CDC42: variants seen among roughly 807,000 people sequenced by gnomAD.
CDC42 encodes the protein cell division control protein 42 homolog.
A neutral mutation model predicts 20.8 loss-of-function variants in CDC42; 1 was observed. The observed-to-expected ratio is 0.05, with a 90% CI of 0.02 to 0.23. The LOEUF is 0.23. Ranked by LOEUF, CDC42 falls within the 10% of genes least tolerant of loss-of-function variation. The pLI is 1.00. For synonymous variants in CDC42, 72 were observed against 84.8 expected (o/e 0.85, Z 0.83); for missense variants, 49 against 227.9 (o/e 0.21, Z 5.05).
chr1:22,088,523 G>T (rs1487951632), intron 5 of CDC42, among the ~76,000 whole-genome samples: 1 of 152,172 alleles, frequency 6.6e-6, no homozygotes, highest in African/African-American at 2.4e-5. Flanking sequence ...TGGGGTCTGT[G>T]GTTGTGTTTG....
Position 22,091,738 on chromosome 1 carries a change from G to A in CDC42, c.*221G>A, listed in dbSNP as rs1176516803. 21 of 200,098 alleles carry A rather than the reference G, an allele frequency of 1.0e-4. No homozygotes were observed. Among genetic ancestry groups the A allele is most frequent in the Non-Finnish European group, 1.6e-4 (17 of 103,464 alleles). The allele number at this position is 200,098 out of a possible 1,614,324, so 12.4% of individuals were successfully genotyped here. On this transcript the variant is annotated 3_prime_UTR_variant, in exon 6 of 6. Transcript: ENST00000656825. ...TTTGAGTAATTGTATTGTCAGAAAAGTGATTAGTACTATTTTTTTTTGTTG... is the reference window on the plus strand; with the variant it reads ...TTTGAGTAATTGTATTGTCAGAAAAATGATTAGTACTATTTTTTTTTGTTG...
intron 5 of CDC42, among the ~76,000 whole-genome samples, chr1:22,088,179 C>T (rs1207127647): frequency 2.0e-5 from 3 of 152,124 alleles, no homozygotes; most frequent in South Asian, 2.1e-4. Context: ...GAAAAGTGTG[C>T]CTGTGTGTGT....
Position 22,093,313 on chromosome 1 carries a change from A to C in CDC42, c.*1796A>C, listed in dbSNP as rs1372047150. Among the ~76,000 whole-genome samples, 1 of 152,216 alleles carries C rather than the reference A, an allele frequency of 6.6e-6. No homozygotes were observed. Among genetic ancestry groups the C allele is most frequent in the Non-Finnish European group, 1.5e-5 (1 of 68,038 alleles). ...AGTTTTCTGCATCAGTGGTTCTCCA[A>C]CTGGAGTGCAGCTTGAACAATGTGA... On this transcript the variant is annotated 3_prime_UTR_variant, in exon 6 of 6. Coordinates refer to ENST00000656825, the MANE Select transcript of CDC42 (RefSeq NM_001791.4).
intron 1 of CDC42, among the ~76,000 whole-genome samples, chr1:22,062,324 C>A (rs1451598190): frequency 3.9e-5 from 6 of 152,200 alleles, no homozygotes; most frequent in Admixed American, 3.3e-4. Context: ...TCAGCTAGAA[C>A]AAAGAAAGTC....
rs143285541 is a variant in CDC42, at chr1:22,093,586, A to G, written c.*2069A>G. Among the ~76,000 whole-genome samples, 59 of 152,336 alleles carry G rather than the reference A, an allele frequency of 3.9e-4. 1 individual carries two copies. The highest frequency in any genetic ancestry group is 1.4e-3 in the African/African-American group (58 of 41,572). On this transcript the variant is annotated 3_prime_UTR_variant, in exon 6 of 6. Transcript: ENST00000656825. ...GTTGGTACACTGTGGCCTCATTTTG[A>G]TAGTTCTCTGCATGGAGTCATGTTT...
Position 22,099,495 on chromosome 1 carries a change from C to T in CDC42, c.*7978C>T, listed in dbSNP as rs12563981. Among the ~76,000 whole-genome samples the T allele has an allele frequency of 0.048, 7,345 of 152,280 alleles. 285 individuals carry two copies. Among genetic ancestry groups the T allele is most frequent in the East Asian group, 0.18 (956 of 5,180 alleles). ...TCTGTCTGATTTTGGAAACTGTGTG[C>T]TTACCATTACATATCTTATGTGGAA... On this transcript the variant is annotated 3_prime_UTR_variant, in exon 6 of 6. Transcript: ENST00000656825.
At position 22,081,619 on chromosome 1, in the gene CDC42, G is replaced by T. The variant is rs17837974; in HGVS notation, c.106-103G>T. The T allele has an allele frequency of 6.2e-4, 443 of 715,536 alleles. 3 individuals are homozygous for T. In the African/African-American group the frequency reaches 7.0e-3, roughly 11 times the overall value. The allele number at this position is 715,536 out of a possible 1,614,324, so 44.3% of individuals were successfully genotyped here. ...AAGGATGATGGATGGACTAGGGGAC[G>T]ATTAAGTCTTAGCAAGGAAACACTG... On this transcript the variant is annotated intron_variant, in intron 2 of 5. Coordinates refer to ENST00000656825, the MANE Select transcript of CDC42 (RefSeq NM_001791.4).
At position 22,091,467 on chromosome 1, in the gene CDC42, G is replaced by A; in HGVS notation, c.526G>A (p.Ala176Thr). Residue 176 changes from alanine (A) to threonine (T), a missense_variant, in exon 6 of 6, where the codon GCC (alanine) becomes ACC (threonine). By Grantham distance (58) the Ala-to-Thr change is moderately conservative. Transcript: ENST00000656825. ...TGTATTTGACGAAGCAATATTGGCT[G>A]CCCTGGAGCCTCCAGAACCGAAGAA... is the stretch of plus-strand genomic sequence containing the variant. Reference protein sequence around the residue: ...KNVFDEAILAALEPPEPKKSR... With the variant: ...KNVFDEAILATLEPPEPKKSR... The A allele has an allele frequency of 6.2e-7, 1 of 1,613,518 alleles. No homozygotes were observed. The highest frequency in any genetic ancestry group is 8.5e-7 in the Non-Finnish European group (1 of 1,179,604).
chr1:22,065,487 T>C (rs1645412474), intron 1 of CDC42, among the ~76,000 whole-genome samples: 1 of 152,236 alleles, frequency 6.6e-6, no homozygotes, highest in Non-Finnish European at 1.5e-5. Context: ...ATGCTTTTAC[T>C]TAACAACTGT....
In CDC42 at chr1:22,096,694, C is replaced by T. The variant is rs957591648; in HGVS notation, c.*5177C>T. On this transcript the variant is annotated 3_prime_UTR_variant, in exon 6 of 6. Coordinates refer to ENST00000656825, the MANE Select transcript of CDC42 (RefSeq NM_001791.4). ...CGGTGCAGGTGGTCAGTTGGAACCCCTGATGGGTATCTGGGCCACTGCCCA... is the reference window on the plus strand; with the variant it reads ...CGGTGCAGGTGGTCAGTTGGAACCCTTGATGGGTATCTGGGCCACTGCCCA... Among the ~76,000 whole-genome samples the T allele has an allele frequency of 2.0e-5, 3 of 152,202 alleles. No homozygotes were observed. Among genetic ancestry groups the T allele is most frequent in the African/African-American group, 4.8e-5 (2 of 41,440 alleles).
intron 1 of CDC42, among the ~76,000 whole-genome samples, chr1:22,056,489 T>G (rs1243023704): frequency 6.6e-6 from 1 of 152,248 alleles, no homozygotes; most frequent in East Asian, 1.9e-4. Flanking sequence ...GCAAATAACT[T>G]TTACCGCTTG....
chr1:22,081,668 C>G (rs1645609031), intron 2 of CDC42, 54 bp from the exon 3 acceptor site: 1 of 1,075,730 alleles, frequency 9.3e-7, no homozygotes. Context: ...GTTGTCCTGT[C>G]CCATTTTAAC....
chr1:22,078,596 G>T lies in CDC42; in HGVS notation c.105+13G>T, dbSNP rs758838961. ...ATATGTACCGACTGTAAGTATAAAG[G>T]CTTCCTTCTGTTAGTAAAATGTTGT... On this transcript the variant is annotated intron_variant, in intron 2 of 5. Transcript: ENST00000656825. The T allele has an allele frequency of 3.2e-6, 5 of 1,586,158 alleles. No individual in the cohort carries two copies. The East Asian group carries it at 1.1e-4, about 36-fold the overall frequency.
chr1:22,077,210 A>T (rs1300526712), intron 1 of CDC42, among the ~76,000 whole-genome samples: 1 of 152,086 alleles, frequency 6.6e-6, no homozygotes, highest in Non-Finnish European at 1.5e-5. Flanking sequence ...GAGAGTGTAT[A>T]TTTCATGTGA....
chr1:22,094,006 C>T lies in CDC42; in HGVS notation c.*2489C>T, dbSNP rs1006789964. Among the ~76,000 whole-genome samples the T allele has an allele frequency of 2.0e-5, 3 of 152,138 alleles. No individual in the cohort carries two copies. The highest frequency in any genetic ancestry group is 7.2e-5 in the African/African-American group (3 of 41,422). ...GGGGATTGATTGAAGCTAATGTTTT[C>T]TTAAATATTTTCAGATTGATTTCTG... On this transcript the variant is annotated 3_prime_UTR_variant, in exon 6 of 6. Transcript: ENST00000656825.
chr1:22,099,890 ACAAAGCTTGT>A lies in CDC42; in HGVS notation c.*8375_*8384del, dbSNP rs1645779240. Among the ~76,000 whole-genome samples, 1 of 148,382 alleles carries A rather than the reference ACAAAGCTTGT, an allele frequency of 6.7e-6. No homozygotes were observed. The highest frequency in any genetic ancestry group is 2.1e-4 in the South Asian group (1 of 4,686). The stretch of plus-strand genomic sequence containing the variant: ...TGTGGAAACTGAGGCATGTTATGAT[ACAAAGCTTGT>A]CCAAGAATTCAGAGCTAGCTTGTCC... On this transcript the variant is annotated 3_prime_UTR_variant, in exon 6 of 6. Transcript: ENST00000656825.
intron 3 of CDC42, among the ~76,000 whole-genome samples, chr1:22,083,310 AATC>A (rs1471773179): frequency 1.3e-5 from 2 of 152,098 alleles, no homozygotes; most frequent in Non-Finnish European, 2.9e-5. Context: ...GTGCAATAAA[AATC>A]ATTTTAAGGC....
intron 2 of CDC42, among the ~76,000 whole-genome samples, chr1:22,080,711 A>G (rs1645598256): frequency 6.6e-6 from 1 of 152,194 alleles, no homozygotes; most frequent in Non-Finnish European, 1.5e-5. Flanking sequence ...CCCATTTAGC[A>G]TTGTTAAACC....
intron 1 of CDC42, among the ~76,000 whole-genome samples, chr1:22,055,497 T>TTG: frequency 6.6e-6 from 1 of 151,448 alleles, no homozygotes; most frequent in East Asian, 1.9e-4. Context: ...GTGATTTTTT[T>TTG]TTTTTTTTTG....
Sources: allele counts gnomAD v4.1 joint callset (sites outside exome capture counted in the v4.1 genomes callset), GRCh38; gene constraint gnomAD v4.1.1; transcripts MANE v1.5; gene names NCBI Gene and HGNC (gene_info 2026-07-23, HGNC 2026-07-21).